Variants in PCDHAC1 observed in about 807,000 individuals in gnomAD.
PCDHAC1 encodes the protein protocadherin alpha subfamily C, 1.
In PCDHAC1, 42 loss-of-function variants were observed where a neutral mutation model predicts 60.0. The observed-to-expected ratio is 0.70, with a 90% confidence interval of 0.55 to 0.90. The LOEUF (loss-of-function observed/expected upper bound fraction) is 0.90. PCDHAC1 is among the 40% of genes least tolerant of loss of function. The pLI is 0.00. For synonymous variants in PCDHAC1, 468 were observed against 499.3 expected, an observed-to-expected ratio of 0.94 and a Z score of 0.84; for missense variants, 1,160 against 1,222.3, an observed-to-expected ratio of 0.95 and a Z score of 0.76.
intron 3 of PCDHAC1, among the ~76,000 whole-genome samples, chr5:140,983,914 AGGATT>A (rs1327360241): frequency 6.6e-6 from 1 of 152,244 alleles, no homozygotes; most frequent in Non-Finnish European, 1.5e-5. Flanking sequence ...CTAATCAGCC[AGGATT>A]TGCTATTTAT....
At chr5:140,968,813 A>G (rs1554231120) in intron 1 of PCDHAC1, 1 of 1,614,194 alleles carries the variant, frequency 6.2e-7, no homozygotes, top group South Asian at 1.1e-5. Context: ...TGTGGTGGAT[A>G]GGGTTTCCAA....
chr5:140,987,001 G>T (rs2097221434), intron 3 of PCDHAC1, among the ~76,000 whole-genome samples: 1 of 152,038 alleles, frequency 6.6e-6, no homozygotes. Context: ...ATCACTTGAG[G>T]TCATGAGTTC....
intron 1 of PCDHAC1, among the ~76,000 whole-genome samples, chr5:140,973,394 A>C (rs1263015635): frequency 6.6e-6 from 1 of 152,244 alleles, no homozygotes; most frequent in African/African-American, 2.4e-5. Flanking sequence ...CAAAGAAATC[A>C]TATCTATGAG....
intron 2 of PCDHAC1, among the ~76,000 whole-genome samples, chr5:140,981,379 G>C (rs1387904235): frequency 6.6e-6 from 1 of 152,152 alleles, no homozygotes; most frequent in Non-Finnish European, 1.5e-5. Context: ...TTCAAGACCA[G>C]CCTGGTCAAT....
intron 3 of PCDHAC1, among the ~76,000 whole-genome samples, chr5:140,985,878 T>C (rs891027308): frequency 6.6e-6 from 1 of 151,706 alleles, no homozygotes; most frequent in Non-Finnish European, 1.5e-5. Flanking sequence ...TAGCTGGGAC[T>C]ACAGGCGCCC....
At position 140,928,903 on chromosome 5, in the gene PCDHAC1, T is replaced by C; in HGVS notation, c.2011T>C (p.Trp671Arg). ...GTTACTTCCAGACTTTGAAGATGTC[T>C]GGGAACCAGGAGGGCAGCTTTCTGC... Reference protein sequence around the residue: ...PQLLPDFEDVWEPGGQLSAQN... With the variant: ...PQLLPDFEDVREPGGQLSAQN... Residue 671 changes from tryptophan (W) to arginine (R), a missense_variant, in exon 1 of 4, where the codon TGG becomes CGG. Transcript: ENST00000253807. 6.2e-7 allele frequency: 1 copy of C among 1,614,190 alleles called. No homozygotes were observed. Among genetic ancestry groups the C allele is most frequent in the Non-Finnish European group, 8.5e-7 (1 of 1,180,036 alleles).
intron 2 of PCDHAC1, among the ~76,000 whole-genome samples, chr5:140,979,795 A>G (rs781835728): frequency 6.6e-6 from 1 of 152,264 alleles, no homozygotes. Flanking sequence ...GAAACAAATG[A>G]TCACAACTAT....
intron 3 of PCDHAC1, among the ~76,000 whole-genome samples, chr5:140,994,116 T>C: frequency 6.6e-6 from 1 of 152,196 alleles, no homozygotes; most frequent in East Asian, 1.9e-4. Context: ...CATTGTCATG[T>C]GATAAGGGCG....
intron 1 of PCDHAC1, chr5:140,930,576 T>C (rs1554207933): frequency 1.3e-5 from 2 of 152,582 alleles, no homozygotes; most frequent in Non-Finnish European, 2.9e-5. Flanking sequence ...TCTACGGTAT[T>C]ACTTTTTGAC....
Position 140,927,620 on chromosome 5 carries a change from C to T in PCDHAC1, c.728C>T (p.Pro243Leu), listed in dbSNP as rs2153590504. 6.2e-7 allele frequency: 1 copy of T among 1,614,196 alleles called. No homozygotes were observed. ...CGCTCCGTATACCGCACCAAGGTTC[C>T]AGAGACTGCACCCAATGGGACTGTG... is the stretch of plus-strand genomic sequence containing the variant. ...FERSVYRTKVPETAPNGTVLF... is the reference protein window; with the variant it reads ...FERSVYRTKVLETAPNGTVLF... Residue 243 changes from proline (P) to leucine (L), a missense_variant, in exon 1 of 4, where the codon CCA becomes CTA. By Grantham distance (98) the Pro-to-Leu change is moderately conservative. Coordinates refer to ENST00000253807, the MANE Select transcript of PCDHAC1 (RefSeq NM_018898.5).
chr5:140,928,108 G>A lies in PCDHAC1; in HGVS notation c.1216G>A (p.Glu406Lys), dbSNP rs782166106. ...GCTGATTGATGGGCCCCTGGACCGGGAGCAGATCAGTGAATACCAAGTCCT... is the reference window on the plus strand; with the variant it reads ...GCTGATTGATGGGCCCCTGGACCGGAAGCAGATCAGTGAATACCAAGTCCT... Reference protein sequence around the residue: ...SLLIDGPLDREQISEYQVLIT... With the variant: ...SLLIDGPLDRKQISEYQVLIT... Residue 406 changes from glutamate (E) to lysine (K), a missense_variant, in exon 1 of 4, where the codon GAG becomes AAG. Glu to Lys is a moderately conservative substitution (Grantham distance 56). Transcript: ENST00000253807. 5 of 1,614,072 alleles carry A rather than the reference G, an allele frequency of 3.1e-6. No homozygotes were observed. The highest frequency in any genetic ancestry group is 3.3e-5 in the Admixed American group (2 of 60,004).
rs1554253792 is a variant in PCDHAC1 at position 140,993,501 on chromosome 5, C to CACAT, written c.2581+10941_2581+10942insTACA. ...ACACACACACACACACACACACACA[C>CACAT]ACACACACGGGGAGAGAGAGACAGA... is the stretch of plus-strand genomic sequence containing the variant. On this transcript the variant is annotated intron_variant, in intron 3 of 3. Transcript: ENST00000253807. Among the ~76,000 whole-genome samples, 4 of 149,100 alleles carry CACAT rather than the reference C, an allele frequency of 2.7e-5. No individual in the cohort carries two copies. In the East Asian group the frequency reaches 5.8e-4, roughly 22 times the overall value.
chr5:141,009,132 G>A (rs2098400947), intron 3 of PCDHAC1, among the ~76,000 whole-genome samples: 1 of 152,204 alleles, frequency 6.6e-6, no homozygotes, highest in African/African-American at 2.4e-5. Flanking sequence ...GTATCCTGGT[G>A]AAAAAACCTG....
chr5:140,989,253 G>A (rs886150768), intron 3 of PCDHAC1, among the ~76,000 whole-genome samples: 4 of 152,194 alleles, frequency 2.6e-5, no homozygotes, highest in Non-Finnish European at 1.5e-5. Flanking sequence ...CTTGTCAAAA[G>A]GGAGATTCAA....
At chr5:140,940,809 C>G (rs1308338406) in intron 1 of PCDHAC1, among the ~76,000 whole-genome samples, 1 of 152,118 alleles carries the variant, frequency 6.6e-6, no homozygotes, top group Admixed American at 6.5e-5. Flanking sequence ...GCCAGGATAT[C>G]CTGAGATCTT....
intron 1 of PCDHAC1, among the ~76,000 whole-genome samples, chr5:140,935,799 A>T (rs1423027036): frequency 1.3e-5 from 2 of 151,978 alleles, no homozygotes; most frequent in African/African-American, 4.8e-5. Flanking sequence ...TATAAACGAG[A>T]TTATTTCATA....
At chr5:141,000,419 ATATTTTTT>A (rs1194100555) in intron 3 of PCDHAC1, among the ~76,000 whole-genome samples, 4 of 60,996 alleles carry the variant, frequency 6.6e-5, no homozygotes, top group African/African-American at 2.3e-4. Flanking sequence ...ATATATATAT[ATATTTTTT>A]TTTTTTTTTT....
chr5:140,969,863 C>G (rs1305470999), intron 1 of PCDHAC1, among the ~76,000 whole-genome samples: 2 of 152,156 alleles, frequency 1.3e-5, no homozygotes, highest in Non-Finnish European at 2.9e-5. Context: ...CTGGTACTTG[C>G]ACTGAACCTA....
intron 1 of PCDHAC1, among the ~76,000 whole-genome samples, chr5:140,964,195 T>C (rs2095816434): frequency 6.6e-6 from 1 of 152,216 alleles, no homozygotes; most frequent in South Asian, 2.1e-4. Context: ...AAATAGAGTA[T>C]ACCATCTCTT....
Sources: gnomAD v4.1 joint callset for allele counts (sites outside exome capture counted in the v4.1 genomes callset) on GRCh38, gnomAD v4.1.1 for gene constraint, MANE v1.5 for transcripts, NCBI Gene and HGNC (gene_info 2026-07-23, HGNC 2026-07-21) for gene names.